Variants in TRIM54 observed in about 807,000 individuals in gnomAD.
The protein encoded by TRIM54 is tripartite motif-containing protein 54.
Under a neutral mutation model 42.0 loss-of-function variants are expected in TRIM54, and 40 were observed. That is an observed-to-expected ratio of 0.95 (90% confidence interval 0.74 to 1.24). The LOEUF (loss-of-function observed/expected upper bound fraction) is 1.24, where lower values mean the gene tolerates loss of function less well. Among genes scored for constraint, TRIM54 ranks in the 50% most tolerant of loss-of-function variants. TRIM54 has a pLI of 0.00. For synonymous variants in TRIM54, 199 were observed against 194.9 expected (o/e 1.02, Z -0.17); for missense variants, 485 against 480.3 (o/e 1.01, Z -0.09).
chr2:27,283,784 GCACACACACA>G (rs3073589), intron 1 of TRIM54, among the ~76,000 whole-genome samples: 26 of 132,200 alleles, frequency 2.0e-4, no homozygotes, highest in South Asian at 1.2e-3. Flanking sequence ...ACACACGCGC[GCACACACACA>G]CACACACACA....
intron 1 of TRIM54, among the ~76,000 whole-genome samples, chr2:27,289,658 G>T (rs547910940): frequency 6.6e-6 from 1 of 151,652 alleles, no homozygotes; most frequent in Non-Finnish European, 1.5e-5. Context: ...ATAAGCATGC[G>T]GTACATAAAC....
chr2:27,298,340 G>A (rs1678924699), intron 1 of TRIM54, among the ~76,000 whole-genome samples: 1 of 152,086 alleles, frequency 6.6e-6, no homozygotes, highest in South Asian at 2.1e-4. Flanking sequence ...CTGGATGCAG[G>A]GGCACTCTAG....
intron 1 of TRIM54, among the ~76,000 whole-genome samples, chr2:27,298,317 C>T (rs927645242): frequency 1.3e-5 from 2 of 152,166 alleles, no homozygotes; most frequent in African/African-American, 4.8e-5. Flanking sequence ...TATGCCTTGA[C>T]CAAAGCTGAG....
intron 2 of TRIM54, 141 bp downstream of exon 2, chr2:27,298,880 A>ACTTGCCTCAGGCCTCCCAGAGAGGGC: frequency 1.0e-6 from 1 of 956,408 alleles, no homozygotes; most frequent in Admixed American, 2.7e-5. Context: ...CCGGAGAGGG[A>ACTTGCCTCAGGCCTCCCAGAGAGGGC]CTTGCCTCAG....
Position 27,306,411 on chromosome 2 carries a change from C to A in TRIM54, c.992-45C>A, listed in dbSNP as rs753429911. On this transcript the variant is annotated intron_variant, in intron 7 of 8. Coordinates refer to ENST00000380075, the MANE Select transcript of TRIM54 (RefSeq NM_187841.3). This position sits in a 1 kb window ranked among gnomAD's most constrained non-coding sequence, Gnocchi z 6.1. ...TGGGGGGTGCGGCGGGCACGATGGC[C>A]GTAAAGGCAGGGACTCCACCTCACC... is the stretch of plus-strand genomic sequence containing the variant. 1.9e-6 allele frequency: 3 copies of A among 1,611,298 alleles called. No individual in the cohort carries two copies. Among genetic ancestry groups the A allele is most frequent in the East Asian group, 2.2e-5 (1 of 44,762 alleles).
At chr2:27,287,060 G>C (rs1182732291) in intron 1 of TRIM54, among the ~76,000 whole-genome samples, 1 of 152,300 alleles carries the variant, frequency 6.6e-6, no homozygotes, top group East Asian at 1.9e-4. Flanking sequence ...TCTTGATTTA[G>C]TGAGAACGAA....
chr2:27,307,426 T>C lies in TRIM54; in HGVS notation c.*541T>C, dbSNP rs1204571102. 35 of 1,546,674 alleles carry C rather than the reference T, an allele frequency of 2.3e-5. No homozygotes were observed. Among genetic ancestry groups the C allele is most frequent in the Non-Finnish European group, 3.0e-5 (34 of 1,148,094 alleles). Reference sequence around the variant, plus strand: ...GGTCTTCAGTACTTTTATTAAAAAATAGTCACGCAGACAGTGCCCTGGTGG... The same window carrying C: ...GGTCTTCAGTACTTTTATTAAAAAACAGTCACGCAGACAGTGCCCTGGTGG... On this transcript the variant is annotated 3_prime_UTR_variant, in exon 9 of 9. Transcript: ENST00000380075. The surrounding 1 kb of genome is among the most constrained non-coding windows in gnomAD (Gnocchi z 6.9).
intron 3 of TRIM54, 25 bp downstream of exon 3, chr2:27,299,441 T>C (rs770271995): frequency 6.2e-7 from 1 of 1,610,278 alleles, no homozygotes; most frequent in Non-Finnish European, 8.5e-7. Flanking sequence ...AGGGAGTAGA[T>C]ATGTGAGAGA....
rs139798096 is a variant in TRIM54 at position 27,306,258 on chromosome 2, A to G, written c.912A>G (p.Pro304=). Residue 304 remains proline, a synonymous_variant, in exon 7 of 9, where the codon CCA becomes CCG. Transcript: ENST00000380075. The surrounding 1 kb of genome is among the most constrained non-coding windows in gnomAD (Gnocchi z 6.1). ...TGGAGCTGGCAGGGCGGCCGGAGCC[A>G]GGCTATGAGAGCATGGAGCAATTCA... The part of the protein sequence containing the change: ...SKVELAGRPE[P]GYESMEQFTV... The G allele has an allele frequency of 3.7e-6, 6 of 1,613,948 alleles. No individual in the cohort carries two copies. The African/African-American group carries it at 6.7e-5, about 18-fold the overall frequency.
intron 1 of TRIM54, among the ~76,000 whole-genome samples, chr2:27,292,397 C>T (rs544438088): frequency 6.6e-6 from 1 of 152,088 alleles, no homozygotes; most frequent in Non-Finnish European, 1.5e-5. Context: ...TAGCAAGACC[C>T]TATCTCTGCA....
Position 27,282,762 on chromosome 2 carries a change from C to G in TRIM54, c.31C>G (p.Leu11Val). Residue 11 changes from leucine to valine, a missense_variant, in exon 1 of 9, where the codon CTA becomes GTA. By Grantham distance (32) the Leu-to-Val change is conservative (BLOSUM62 1). Transcript: ENST00000380075. ...CTTCACAGTGGGTTTCAAGCCGCTG[C>G]TAGGGGATGCACACAGCATGGACAA... MNFTVGFKPL[L>V]GDAHSMDNLE... 6.2e-7 allele frequency: 1 copy of G among 1,612,698 alleles called. No individual in the cohort carries two copies. Among genetic ancestry groups the G allele is most frequent in the Non-Finnish European group, 8.5e-7 (1 of 1,179,352 alleles).
At chr2:27,299,587 T>G in intron 3 of TRIM54, 171 bp downstream of exon 3, 1 of 1,422,374 alleles carries the variant, frequency 7.0e-7, no homozygotes, top group Non-Finnish European at 9.6e-7. Context: ...CACAACTTAC[T>G]GCAGCCTTGA....
At chr2:27,304,510 A>T (rs1244304166) in intron 3 of TRIM54, among the ~76,000 whole-genome samples, 1 of 148,806 alleles carries the variant, frequency 6.7e-6, no homozygotes, top group Non-Finnish European at 1.5e-5. Context: ...ACTGAAAGAA[A>T]AACAGAACGT....
At chr2:27,300,551 T>C (rs940309953) in intron 3 of TRIM54, among the ~76,000 whole-genome samples, 7 of 150,514 alleles carry the variant, frequency 4.7e-5, no homozygotes, top group African/African-American at 1.7e-4. Flanking sequence ...GGGAGGATAC[T>C]ACTAATAATA....
Position 27,298,635 on chromosome 2 carries a change from A to G in TRIM54, c.237A>G (p.Pro79=), listed in dbSNP as rs777726060. The G allele has an allele frequency of 1.5e-5, 25 of 1,613,972 alleles. No individual in the cohort carries two copies. In the African/African-American group the frequency reaches 2.0e-4, roughly 13 times the overall value. Residue 79 remains proline, a synonymous_variant, in exon 2 of 9, where the codon CCA becomes CCG. Transcript: ENST00000380075. ...TVSSGGRFRC[P]SCRHEVVLDR... ...CTTCAGGAGGCCGTTTCCGCTGCCC[A>G]TCGTGCAGGCATGAGGTTGTCCTGG...
intron 1 of TRIM54, among the ~76,000 whole-genome samples, chr2:27,287,587 G>A (rs750682663): frequency 1.3e-5 from 2 of 151,894 alleles, no homozygotes; most frequent in Admixed American, 6.6e-5. Context: ...GCAGTGGCAC[G>A]ATCATAGTCC....
chr2:27,304,950 G>T lies in TRIM54; in HGVS notation c.514-9G>T, dbSNP rs748932719. ...CCCAGCTCTGAGTGCTGACCTGTGT[G>T]TGTATCAGAGTGAGCTCAGCGATGG... On this transcript the variant is annotated splice_polypyrimidine_tract_variant and intron_variant, in intron 3 of 8. Coordinates refer to ENST00000380075, the MANE Select transcript of TRIM54 (RefSeq NM_187841.3). 3.1e-6 allele frequency: 5 copies of T among 1,613,168 alleles called. No individual in the cohort carries two copies. Among genetic ancestry groups the T allele is most frequent in the Non-Finnish European group, 4.2e-6 (5 of 1,179,482 alleles).
chr2:27,290,547 G>A (rs1172974382), intron 1 of TRIM54, among the ~76,000 whole-genome samples: 1 of 152,124 alleles, frequency 6.6e-6, no homozygotes, highest in East Asian at 1.9e-4. Flanking sequence ...GCGCCTAGCT[G>A]AGGCAAGAGA....
Position 27,306,601 on chromosome 2 carries a change from C to T in TRIM54, c.*1+59C>T. ...CGGCCTGAGGGGCTTGGGGTGGGGCCTGGCTGGTGTGCTCGCGTCCCCTCC... is the reference window on the plus strand; with the variant it reads ...CGGCCTGAGGGGCTTGGGGTGGGGCTTGGCTGGTGTGCTCGCGTCCCCTCC... On this transcript the variant is annotated intron_variant, in intron 8 of 8. Transcript: ENST00000380075. The surrounding 1 kb of genome is among the most constrained non-coding windows in gnomAD (Gnocchi z 6.1). 1.4e-6 allele frequency: 2 copies of T among 1,441,284 alleles called. No homozygotes were observed. Among genetic ancestry groups the T allele is most frequent in the Non-Finnish European group, 1.8e-6 (2 of 1,085,520 alleles). The allele number at this position is 1,441,284 out of a possible 1,614,324, so 89.3% of individuals were successfully genotyped here.
Sources: allele counts gnomAD v4.1 joint callset (sites outside exome capture counted in the v4.1 genomes callset), GRCh38; gene constraint gnomAD v4.1.1; non-coding constraint Gnocchi (gnomAD v3.1); transcripts MANE v1.5; gene names NCBI Gene and HGNC (gene_info 2026-07-23, HGNC 2026-07-21).